INTS4: variants seen among roughly 807,000 people sequenced by gnomAD.
INTS4 encodes the protein MSTP093.
Under a neutral mutation model 119.5 loss-of-function variants are expected in INTS4, and 70 were observed. The ratio of observed to expected loss-of-function variants is 0.59; its 90% CI spans 0.48 to 0.71. The LOEUF is 0.71. INTS4 is among the 30% of genes least tolerant of loss of function. The pLI, the probability that INTS4 is intolerant of heterozygous loss-of-function variation, is 0.00. For synonymous variants in INTS4, 316 were observed against 419.6 expected (o/e 0.75, Z 3.02); for missense variants, 867 against 1,173.2 (o/e 0.74, Z 3.81).
intron 1 of INTS4, 63 bp downstream of exon 1, chr11:77,994,527 C>T (rs1177870108): frequency 1.1e-5 from 14 of 1,321,300 alleles, no homozygotes; most frequent in Non-Finnish European, 1.3e-5. Flanking sequence ...CGGCAAAGTG[C>T]CTGGGATTTG....
intron 10 of INTS4, among the ~76,000 whole-genome samples, chr11:77,934,390 A>G (rs1184626750): frequency 5.0e-5 from 6 of 118,984 alleles, no homozygotes; most frequent in African/African-American, 2.0e-4. Context: ...TGATCAATAA[A>G]TACTAAAAAA....
At chr11:77,914,310 T>A (rs1953156976) in intron 15 of INTS4, among the ~76,000 whole-genome samples, 1 of 152,200 alleles carries the variant, frequency 6.6e-6, no homozygotes, top group African/African-American at 2.4e-5. Flanking sequence ...CTGCAGCTGA[T>A]CACCAAATTG....
chr11:77,891,264 A>G (rs777506986), intron 21 of INTS4, 55 bp downstream of exon 21: 1 of 1,562,096 alleles, frequency 6.4e-7, no homozygotes. Flanking sequence ...CTAACATTAA[A>G]TACTTCAACA....
At chr11:77,969,767 A>C (rs1012775262) in intron 4 of INTS4, among the ~76,000 whole-genome samples, 4 of 150,322 alleles carry the variant, frequency 2.7e-5, no homozygotes, top group African/African-American at 9.7e-5. Flanking sequence ...CCTCCTGCAA[A>C]AAAAAAAAAA....
At chr11:77,923,619 C>A (rs535755275) in intron 12 of INTS4, among the ~76,000 whole-genome samples, 1 of 152,172 alleles carries the variant, frequency 6.6e-6, no homozygotes, top group South Asian at 2.1e-4. Context: ...TTGCTATACG[C>A]ATTAAATAAC....
At chr11:77,877,970 T>C (rs555297035), downstream of INTS4, among the ~76,000 whole-genome samples, 9 of 152,296 alleles carry the variant, frequency 5.9e-5, no homozygotes, top group East Asian at 1.2e-3. Context: ...ACTGGACCCC[T>C]GTTTCCCATA....
At chr11:77,960,256 G>T in intron 6 of INTS4, 85 bp downstream of exon 6, 1 of 933,670 alleles carries the variant, frequency 1.1e-6, no homozygotes, top group Non-Finnish European at 1.7e-6. Flanking sequence ...AAGTCCTTAC[G>T]TTTTCAAATT....
At chr11:77,919,808 C>T (rs551060377) in intron 14 of INTS4, among the ~76,000 whole-genome samples, 2 of 152,054 alleles carry the variant, frequency 1.3e-5, no homozygotes, top group Non-Finnish European at 2.9e-5. Context: ...TTTGTATCTA[C>T]TTGTCTTTTG....
intron 8 of INTS4, among the ~76,000 whole-genome samples, chr11:77,946,590 G>A (rs1287003151): frequency 2.0e-5 from 3 of 151,918 alleles, no homozygotes; most frequent in South Asian, 2.1e-4. Context: ...GGCAAAACCC[G>A]TCTCTACAAA....
At chr11:77,950,338 A>G (rs1038785911) in intron 8 of INTS4, among the ~76,000 whole-genome samples, 1 of 152,108 alleles carries the variant, frequency 6.6e-6, no homozygotes, top group African/African-American at 2.4e-5. Context: ...CATGTTCTGC[A>G]CATGTATCCC....
chr11:77,949,993 C>T (rs565269994), intron 8 of INTS4, among the ~76,000 whole-genome samples: 1 of 152,118 alleles, frequency 6.6e-6, no homozygotes, highest in African/African-American at 2.4e-5. Context: ...ATAGACTGGA[C>T]AAAGAAAATG....
At chr11:77,915,991 T>G (rs1279921839) in intron 15 of INTS4, among the ~76,000 whole-genome samples, 2 of 152,186 alleles carry the variant, frequency 1.3e-5, no homozygotes, top group Non-Finnish European at 2.9e-5. Context: ...AGCAGGAACA[T>G]CAGCCTCCTT....
chr11:77,907,364 G>A lies in INTS4; in HGVS notation c.2016+353C>T, dbSNP rs191960400. 1.1e-4 allele frequency among the ~76,000 whole-genome samples: 17 copies of A among 152,248 alleles called. 1 individual carries two copies. The highest frequency in any genetic ancestry group is 1.0e-3 in the Admixed American group (16 of 15,286). On this transcript the variant is annotated intron_variant, in intron 16 of 22. Coordinates refer to ENST00000534064, the MANE Select transcript of INTS4 (RefSeq NM_033547.4). ...GCTAAGATTACAGGTGTGAGCCACC[G>A]CACCTGGCCTTCAAATGAGCATTTT...
intron 8 of INTS4, among the ~76,000 whole-genome samples, chr11:77,950,866 T>TC (rs1199295431): frequency 1.1e-5 from 1 of 93,408 alleles, no homozygotes; most frequent in Non-Finnish European, 2.1e-5. Context: ...ATGCTATCCC[T>TC]CCCCCCTCCC....
At chr11:77,878,657 C>T (rs1473055194), downstream of INTS4, 9 of 646,646 alleles carry the variant, frequency 1.4e-5, no homozygotes, top group Non-Finnish European at 1.9e-5. Flanking sequence ...CATGTAAGCA[C>T]GTAGTATAAA....
intron 21 of INTS4, among the ~76,000 whole-genome samples, chr11:77,884,408 C>T (rs771017968): frequency 3.3e-5 from 5 of 152,248 alleles, no homozygotes; most frequent in South Asian, 2.1e-4. Context: ...TACGGAGAGA[C>T]GGCTCAATGA....
chr11:77,920,889 T>C (rs1434606385), intron 14 of INTS4, among the ~76,000 whole-genome samples: 1 of 150,414 alleles, frequency 6.6e-6, no homozygotes, highest in African/African-American at 2.4e-5. Flanking sequence ...AATAAATATA[T>C]ATATATAACA....
At chr11:77,901,694 T>C (rs980145751) in intron 17 of INTS4, 143 bp from the exon 18 acceptor site, 1 of 633,476 alleles carries the variant, frequency 1.6e-6, no homozygotes, top group African/African-American at 1.9e-5. Context: ...TGAAAGAAAT[T>C]AGTATAGTAT....
chr11:77,984,933 A>G (rs1009893373), intron 2 of INTS4, among the ~76,000 whole-genome samples: 2 of 148,486 alleles, frequency 1.3e-5, no homozygotes, highest in African/African-American at 4.9e-5. Context: ...AAAAAAGCAG[A>G]TAAGAGAGCA....
Sources: allele counts gnomAD v4.1 joint callset (sites outside exome capture counted in the v4.1 genomes callset), GRCh38; gene constraint gnomAD v4.1.1; transcripts MANE v1.5; gene names NCBI Gene and HGNC (gene_info 2026-07-23, HGNC 2026-07-21).